Variants in LDB2 observed in about 807,000 individuals in gnomAD.
The protein encoded by LDB2 is LIM domain binding 2.
Under a neutral mutation model 44.3 loss-of-function variants are expected in LDB2, and 12 were observed. That is an observed-to-expected ratio of 0.27 (90% CI 0.17 to 0.44). The LOEUF (loss-of-function observed/expected upper bound fraction) is 0.44. Among genes scored for constraint, LDB2 ranks in the 20% least tolerant of loss-of-function variants. The pLI is 1.00. For missense variants in LDB2, 344 were observed against 473.5 expected (o/e 0.73, Z 2.54); for synonymous variants, 164 against 174.8 (o/e 0.94, Z 0.49).
intron 2 of LDB2, among the ~76,000 whole-genome samples, chr4:16,603,489 A>G (rs1723117779): frequency 6.6e-6 from 1 of 152,170 alleles, no homozygotes; most frequent in Non-Finnish European, 1.5e-5. Context: ...TTATATATTT[A>G]TACCTTGGAG....
intron 1 of LDB2, among the ~76,000 whole-genome samples, chr4:16,894,505 T>C (rs1353537293): frequency 6.6e-6 from 1 of 152,230 alleles, no homozygotes. Flanking sequence ...GTTTGCTTTT[T>C]AATGCATGCC....
chr4:16,675,371 TCAAAATA>T (rs1332743072), intron 2 of LDB2, among the ~76,000 whole-genome samples: 1 of 152,148 alleles, frequency 6.6e-6, no homozygotes, highest in Non-Finnish European at 1.5e-5. Context: ...TCAATATAAA[TCAAAATA>T]CAAAACAGTA....
In LDB2 at chr4:16,735,826, G is replaced by A. The variant is rs182551241; in HGVS notation, c.235+23332C>T. 3.9e-5 allele frequency among the ~76,000 whole-genome samples: 6 copies of A among 152,322 alleles called. No individual in the cohort carries two copies. In the East Asian group the frequency reaches 1.2e-3, roughly 29 times the overall value. ...CTGAACAGTACTTTTCAAGATGGATGAGATAGTGAAAAATAAAGACTGAGA... is the reference window on the plus strand; with the variant it reads ...CTGAACAGTACTTTTCAAGATGGATAAGATAGTGAAAAATAAAGACTGAGA... On this transcript the variant is annotated intron_variant, in intron 2 of 7. Transcript: ENST00000304523.
chr4:16,854,376 G>T (rs1788905546), intron 1 of LDB2, among the ~76,000 whole-genome samples: 1 of 145,748 alleles, frequency 6.9e-6, no homozygotes, highest in African/African-American at 2.8e-5. Context: ...TTCTGTTGTG[G>T]GTTCTTCCCC....
intron 2 of LDB2, among the ~76,000 whole-genome samples, chr4:16,610,052 G>A (rs1227554338): frequency 6.6e-6 from 1 of 151,942 alleles, no homozygotes; most frequent in Non-Finnish European, 1.5e-5. Context: ...CCAGGCATGG[G>A]AGCGAATCAG....
At chr4:16,821,746 C>CAAAAAAAAAAAAGAAAAAA (rs1782088232) in intron 1 of LDB2, among the ~76,000 whole-genome samples, 1 of 61,752 alleles carries the variant, frequency 1.6e-5, no homozygotes, top group Non-Finnish European at 2.9e-5. Flanking sequence ...AACATTAAAG[C>CAAAAAAAAAAAAGAAAAAA]AAAAAAAAAA....
At chr4:16,852,867 T>A (rs1472534339) in intron 1 of LDB2, among the ~76,000 whole-genome samples, 1 of 152,194 alleles carries the variant, frequency 6.6e-6, no homozygotes, top group African/African-American at 2.4e-5. Context: ...GGATCTCATA[T>A]AAATATTGAA....
chr4:16,613,563 A>T (rs541237232), intron 2 of LDB2, among the ~76,000 whole-genome samples: 2 of 152,350 alleles, frequency 1.3e-5, no homozygotes, highest in East Asian at 3.9e-4. Flanking sequence ...AAGCAACTTC[A>T]GCAAAGTCTC....
chr4:16,686,103 AC>A (rs934310934), intron 2 of LDB2, among the ~76,000 whole-genome samples: 2 of 152,148 alleles, frequency 1.3e-5, no homozygotes, highest in African/African-American at 4.8e-5. Context: ...AAAGCTAATC[AC>A]AATATTAAGA....
chr4:16,570,732 A>T (rs1454642397), intron 5 of LDB2, among the ~76,000 whole-genome samples: 1 of 146,962 alleles, frequency 6.8e-6, no homozygotes, highest in South Asian at 2.2e-4. Context: ...GGAGCCAGTC[A>T]TAAAAAAAAT....
intron 2 of LDB2, among the ~76,000 whole-genome samples, chr4:16,740,423 A>G (rs1763000386): frequency 6.6e-6 from 1 of 152,242 alleles, no homozygotes; most frequent in Non-Finnish European, 1.5e-5. Context: ...GCTTAGCTAC[A>G]TCGCACATCT....
chr4:16,797,546 AT>A (rs1229526666), intron 1 of LDB2, among the ~76,000 whole-genome samples: 2 of 152,216 alleles, frequency 1.3e-5, no homozygotes. Context: ...ATGCTGAGAC[AT>A]TTTGAGTATT....
At chr4:16,553,562 TTC>T (rs1738420947) in intron 5 of LDB2, among the ~76,000 whole-genome samples, 1 of 152,162 alleles carries the variant, frequency 6.6e-6, no homozygotes, top group Non-Finnish European at 1.5e-5. Flanking sequence ...TTTGTTTGTT[TTC>T]TGTTTTTGTA....
At chr4:16,596,859 T>C in intron 2 of LDB2, among the ~76,000 whole-genome samples, 1 of 152,188 alleles carries the variant, frequency 6.6e-6, no homozygotes, top group Non-Finnish European at 1.5e-5. Context: ...GAAATCCTCT[T>C]ACACTGGAAA....
intron 5 of LDB2, among the ~76,000 whole-genome samples, chr4:16,531,539 A>G (rs546911087): frequency 2.0e-5 from 3 of 152,236 alleles, no homozygotes; most frequent in Non-Finnish European, 4.4e-5. Context: ...GTGCAGCCAT[A>G]GGACCTTATC....
At chr4:16,818,701 A>G (rs529832934) in intron 1 of LDB2, among the ~76,000 whole-genome samples, 24 of 152,222 alleles carry the variant, frequency 1.6e-4, no homozygotes, top group Admixed American at 3.3e-4. Context: ...TAAAGAGGTT[A>G]GAGAATCTAC....
chr4:16,685,993 A>T (rs1461589180), intron 2 of LDB2, among the ~76,000 whole-genome samples: 1 of 152,180 alleles, frequency 6.6e-6, no homozygotes, highest in Non-Finnish European at 1.5e-5. Context: ...TGGAGGTTTC[A>T]GTGAGCTGAG....
intron 1 of LDB2, among the ~76,000 whole-genome samples, chr4:16,890,351 AG>A (rs532636929): frequency 6.6e-6 from 1 of 152,078 alleles, no homozygotes; most frequent in Non-Finnish European, 1.5e-5. Flanking sequence ...TAAGATGGAA[AG>A]GGGGGGCACG....
rs1004137229 is a variant in LDB2, at chr4:16,595,761, G to A, written c.350C>T (p.Thr117Met). The A allele has an allele frequency of 6.2e-7, 1 of 1,613,878 alleles. No homozygotes were observed. The highest frequency in any genetic ancestry group is 8.5e-7 in the Non-Finnish European group (1 of 1,179,890). ...CATGGTACACTGGTCGCAGTCCACC[G>A]TGATGGATGAGTTGTGGTATGACTC... Reference protein sequence around the residue: ...SKESYHNSSITVDCDQCTMVT... With the variant: ...SKESYHNSSIMVDCDQCTMVT... Residue 117 changes from threonine (T) to methionine (M), a missense_variant, in exon 3 of 8, where the codon ACG (threonine) becomes ATG (methionine). By Grantham distance (81) the Thr-to-Met change is moderately conservative (BLOSUM62 -1). Around this residue, in one of 3 missense-constraint regions of LDB2, gnomAD observed 226 missense variants for 270.1 expected, o/e 0.84. Coordinates refer to ENST00000304523, the MANE Select transcript of LDB2 (RefSeq NM_001290.5).
Sources: gnomAD v4.1 joint callset for allele counts (sites outside exome capture counted in the v4.1 genomes callset) on GRCh38, gnomAD v4.1.1 for gene constraint, gnomAD v4.1.1 regional missense constraint, MANE v1.5 for transcripts, NCBI Gene and HGNC (gene_info 2026-07-23, HGNC 2026-07-21) for gene names.